CCNG2: variants seen among roughly 807,000 people sequenced by gnomAD.
CCNG2 encodes the protein cyclin G2.
Under a neutral mutation model 36.5 loss-of-function variants are expected in CCNG2, and 20 were observed. The ratio of observed to expected loss-of-function variants is 0.55; its 90% CI spans 0.39 to 0.80. The LOEUF (loss-of-function observed/expected upper bound fraction) is 0.80, where lower values mean the gene tolerates loss of function less well. Ranked by LOEUF, CCNG2 falls within the 30% of genes least tolerant of loss-of-function variation. The pLI is 0.00. For synonymous variants in CCNG2, 155 were observed against 140.1 expected, an observed-to-expected ratio of 1.11 and a Z score of -0.75; for missense variants, 358 against 390.8, an observed-to-expected ratio of 0.92 and a Z score of 0.71.
At chr4:77,162,747 C>T (rs992998487) in intron 6 of CCNG2, among the ~76,000 whole-genome samples, 2 of 151,980 alleles carry the variant, frequency 1.3e-5, no homozygotes, top group African/African-American at 2.4e-5. Flanking sequence ...GACTGGGAGC[C>T]TGTTTGGAGC....
At position 77,169,409 on chromosome 4, in the gene CCNG2, A is replaced by G. The variant is rs771820894; in HGVS notation, c.*3485A>G. On this transcript the variant is annotated 3_prime_UTR_variant, in exon 8 of 8. Transcript: ENST00000316355. ...TCAATAACTTACTTTGTGTTTAGCA[A>G]ATCAAATTGTGTGATAGATAGTTTC... The G allele has an allele frequency of 3.9e-5, 6 of 152,206 alleles. No homozygotes were observed. The highest frequency in any genetic ancestry group is 5.9e-5 in the Non-Finnish European group (4 of 68,042). The allele number at this position is 152,206 out of a possible 1,614,324, so 9.4% of individuals were successfully genotyped here.
intron 6 of CCNG2, among the ~76,000 whole-genome samples, chr4:77,162,376 ATTTTTTTTTT>A (rs35692387): frequency 1.4e-5 from 1 of 71,450 alleles, no homozygotes; most frequent in Non-Finnish European, 2.6e-5. Flanking sequence ...GTACTTTGGG[ATTTTTTTTTT>A]TTTTTTTTTT....
In CCNG2 at chr4:77,160,706, T is replaced by A; in HGVS notation, c.277-15T>A. On this transcript the variant is annotated splice_polypyrimidine_tract_variant and intron_variant, in intron 3 of 7. Transcript: ENST00000316355. ...AGTGACAGTTGTTAAAAGAAGCCTC[T>A]TGTTTTTTTCTCAGGTGAAACCTAA... The A allele has an allele frequency of 6.2e-7, 1 of 1,604,580 alleles. No homozygotes were observed. The highest frequency in any genetic ancestry group is 1.1e-5 in the South Asian group (1 of 88,990).
intron 7 of CCNG2, 84 bp downstream of exon 7, chr4:77,164,563 C>T: frequency 9.8e-7 from 1 of 1,020,348 alleles, no homozygotes; most frequent in Non-Finnish European, 1.5e-6. Context: ...TAGTGTAAGA[C>T]ATCAGAGAAA....
chr4:77,161,358 T>C (rs1283511934), intron 4 of CCNG2, 122 bp from the exon 5 acceptor site: 6 of 712,544 alleles, frequency 8.4e-6, no homozygotes, highest in East Asian at 5.6e-5. Context: ...TGCTTCTGCC[T>C]TCCAAAGTGG....
rs4150088 is a variant in CCNG2, at chr4:77,164,733, C to T, written c.911+254C>T. On this transcript the variant is annotated intron_variant, in intron 7 of 7. Coordinates refer to ENST00000316355, the MANE Select transcript of CCNG2 (RefSeq NM_004354.3). Reference sequence around the variant, plus strand: ...TTTTTTGAGTAGAGATAGGGTCTCGCGATGTTGCCCAGGGCTGGTCTTACA... The same window carrying T: ...TTTTTTGAGTAGAGATAGGGTCTCGTGATGTTGCCCAGGGCTGGTCTTACA... 7.9e-3 allele frequency: 2,570 copies of T among 326,034 alleles called. 66 individuals carry two copies. Among genetic ancestry groups the T allele is most frequent in the African/African-American group, 0.05 (2,307 of 46,326 alleles). The allele number at this position is 326,034 out of a possible 1,614,324, so 20.2% of individuals were successfully genotyped here.
chr4:77,168,560 T>TA lies in CCNG2; in HGVS notation c.*2642dup, dbSNP rs1239219636. Reference sequence around the variant, plus strand: ...TTTTTTCTTGTCATTTCCTAGACCTTAAAAAATGTGTATTGAGAAAGAACT... The same window carrying TA: ...TTTTTTCTTGTCATTTCCTAGACCTTAAAAAAATGTGTATTGAGAAAGAACT... On this transcript the variant is annotated 3_prime_UTR_variant, in exon 8 of 8. Coordinates refer to ENST00000316355, the MANE Select transcript of CCNG2 (RefSeq NM_004354.3). 1 of 152,172 alleles carries TA rather than the reference T, an allele frequency of 6.6e-6. No individual in the cohort carries two copies. Among genetic ancestry groups the TA allele is most frequent in the Non-Finnish European group, 1.5e-5 (1 of 68,030 alleles). The allele number at this position is 152,172 out of a possible 1,614,324, so 9.4% of individuals were successfully genotyped here. A position where few individuals can be genotyped will look rare whatever the true frequency, so the allele number is the denominator to read the frequency against.
At chr4:77,159,055 C>G (rs1345775330) in intron 2 of CCNG2, among the ~76,000 whole-genome samples, 3 of 152,228 alleles carry the variant, frequency 2.0e-5, no homozygotes, top group Non-Finnish European at 2.9e-5. Context: ...AGAACCCTTT[C>G]TCTCCATTCC....
chr4:77,169,642 C>G lies in CCNG2; in HGVS notation c.*3718C>G, dbSNP rs1270374188. Reference sequence around the variant, plus strand: ...TTTATCCTTTTTGGAAGCTAGCCACCATGCTGCAAAGAAGCTCAGCTGGAT... The same window carrying G: ...TTTATCCTTTTTGGAAGCTAGCCACGATGCTGCAAAGAAGCTCAGCTGGAT... On this transcript the variant is annotated 3_prime_UTR_variant, in exon 8 of 8. Transcript: ENST00000316355. 6.6e-6 allele frequency: 1 copy of G among 152,222 alleles called. No homozygotes were observed. The highest frequency in any genetic ancestry group is 2.4e-5 in the African/African-American group (1 of 41,460). The allele number at this position is 152,222 out of a possible 1,614,324, so 9.4% of individuals were successfully genotyped here.
intron 3 of CCNG2, among the ~76,000 whole-genome samples, 190 bp from the exon 4 acceptor site, chr4:77,160,531 T>TGGGGGGGG (rs555537901): frequency 3.7e-5 from 4 of 107,376 alleles, no homozygotes; most frequent in African/African-American, 1.3e-4. Flanking sequence ...CCTTTTTTTT[T>TGGGGGGGG]GGGGGGGGGG....
At chr4:77,159,202 G>C (rs1731357819) in intron 2 of CCNG2, among the ~76,000 whole-genome samples, 165 bp from the exon 3 acceptor site, 1 of 152,182 alleles carries the variant, frequency 6.6e-6, no homozygotes, top group Admixed American at 6.5e-5. Context: ...AAAGTGTATA[G>C]CTTTAGTTAA....
Position 77,161,543 on chromosome 4 carries a change from C to G in CCNG2, c.591C>G (p.Ile197Met). 6.2e-7 allele frequency: 1 copy of G among 1,610,608 alleles called. No homozygotes were observed. The highest frequency in any genetic ancestry group is 8.5e-7 in the Non-Finnish European group (1 of 1,178,682). ...TGAAAGCTTGCAACTGCCGACTCATCTTTTCAAAAGCAAAAGTAAGTCGAT... is the reference window on the plus strand; with the variant it reads ...TGAAAGCTTGCAACTGCCGACTCATGTTTTCAAAAGCAAAAGTAAGTCGAT... ...AQLKACNCRL[I>M]FSKAKPSVLA... Residue 197 changes from isoleucine (I) to methionine (M), a missense_variant, in exon 5 of 8, where the codon ATC becomes ATG. Ile to Met is a conservative substitution (Grantham distance 10). Transcript: ENST00000316355.
chr4:77,169,363 A>C lies in CCNG2; in HGVS notation c.*3439A>C, dbSNP rs1463727767. 1 of 152,112 alleles carries C rather than the reference A, an allele frequency of 6.6e-6. No individual in the cohort carries two copies. Among genetic ancestry groups the C allele is most frequent in the Non-Finnish European group, 1.5e-5 (1 of 68,036 alleles). The allele number at this position is 152,112 out of a possible 1,614,324, so 9.4% of individuals were successfully genotyped here. On this transcript the variant is annotated 3_prime_UTR_variant, in exon 8 of 8. Coordinates refer to ENST00000316355, the MANE Select transcript of CCNG2 (RefSeq NM_004354.3). ...TTGTTACTGGAATTCAGTTTTCCTA[A>C]CTATTTACTACCAGAAATGGTCAAT...
intron 1 of CCNG2, among the ~76,000 whole-genome samples, chr4:77,157,764 T>A (rs1186709918): frequency 6.6e-6 from 1 of 152,072 alleles, no homozygotes; most frequent in African/African-American, 2.4e-5. Flanking sequence ...CCCGCTCGTG[T>A]TGTCACGGGG....
Position 77,161,566 on chromosome 4 carries a change from G to T in CCNG2, c.606+8G>T. On this transcript the variant is annotated splice_region_variant and intron_variant, in intron 5 of 7. Transcript: ENST00000316355. Reference sequence around the variant, plus strand: ...ATCTTTTCAAAAGCAAAAGTAAGTCGATTCCTTGCTTATGTATATATCTCA... The same window carrying T: ...ATCTTTTCAAAAGCAAAAGTAAGTCTATTCCTTGCTTATGTATATATCTCA... 5 of 1,603,404 alleles carry T rather than the reference G, an allele frequency of 3.1e-6. No individual in the cohort carries two copies. The highest frequency in any genetic ancestry group is 1.7e-4 in the Middle Eastern group (1 of 5,868).
rs1329186991 is a variant in CCNG2 at position 77,167,199 on chromosome 4, T to A, written c.*1275T>A. Reference sequence around the variant, plus strand: ...AGATTGTAATTCAAAATAAAATTATTAATGAATTCTCCTTGTTTGGGATCA... The same window carrying A: ...AGATTGTAATTCAAAATAAAATTATAAATGAATTCTCCTTGTTTGGGATCA... On this transcript the variant is annotated 3_prime_UTR_variant, in exon 8 of 8. Transcript: ENST00000316355. 1 of 152,220 alleles carries A rather than the reference T, an allele frequency of 6.6e-6. No individual in the cohort carries two copies. Among genetic ancestry groups the A allele is most frequent in the Non-Finnish European group, 1.5e-5 (1 of 68,048 alleles). The allele number at this position is 152,220 out of a possible 1,614,324, so 9.4% of individuals were successfully genotyped here.
At chr4:77,163,377 G>GGGTGT (rs1241119100) in intron 6 of CCNG2, among the ~76,000 whole-genome samples, 1 of 152,142 alleles carries the variant, frequency 6.6e-6, no homozygotes, top group African/African-American at 2.4e-5. Flanking sequence ...GAAGGTCATT[G>GGGTGT]GGTGTGTCAG....
chr4:77,164,214 C>A, intron 6 of CCNG2, 60 bp from the exon 7 acceptor site: 1 of 1,283,572 alleles, frequency 7.8e-7, no homozygotes, highest in Non-Finnish European at 1.1e-6. Context: ...CCTAGTGATT[C>A]CAAGGTGCAG....
intron 6 of CCNG2, among the ~76,000 whole-genome samples, chr4:77,162,986 A>T (rs947645187): frequency 6.6e-6 from 1 of 152,092 alleles, no homozygotes; most frequent in Non-Finnish European, 1.5e-5. Context: ...GGTGGATATA[A>T]TATTAGCATA....
Sources: allele counts gnomAD v4.1 joint callset (sites outside exome capture counted in the v4.1 genomes callset), GRCh38; gene constraint gnomAD v4.1.1; transcripts MANE v1.5; gene names NCBI Gene and HGNC (gene_info 2026-07-23, HGNC 2026-07-21).